ASPRV1: variants seen among roughly 807,000 people sequenced by gnomAD.
ASPRV1 encodes the protein aspartic peptidase retroviral like 1, also known as retroviral-like aspartic protease 1.
A neutral mutation model predicts 11.0 loss-of-function variants in ASPRV1; 7 were observed. That is an observed-to-expected ratio of 0.64 (90% CI 0.36 to 1.20). The LOEUF (loss-of-function observed/expected upper bound fraction) is 1.20, where lower values mean the gene tolerates loss of function less well. Ranked by LOEUF, ASPRV1 falls within the 50% of genes most tolerant of loss-of-function variation. ASPRV1 has a pLI of 0.02. For missense variants in ASPRV1, 299 were observed against 320.0 expected (o/e 0.93, Z 0.50); for synonymous variants, 136 against 138.4 (o/e 0.98, Z 0.12).
At chr2:70,038,455 T>G in the ASPRV1 span, among the ~76,000 whole-genome samples, 5 of 152,106 alleles carry the variant, frequency 3.3e-5, no homozygotes, top group Non-Finnish European at 5.9e-5. Flanking sequence ...GGTGATCACC[T>G]GTAAGTGCTA....
At chr2:70,067,150 G>A in the ASPRV1 span, among the ~76,000 whole-genome samples, 1 of 152,184 alleles carries the variant, frequency 6.6e-6, no homozygotes. Context: ...TAGCAATGGA[G>A]AGGGAAAATG....
chr2:70,065,555 G>C, the ASPRV1 span, among the ~76,000 whole-genome samples: 1 of 152,124 alleles, frequency 6.6e-6, no homozygotes, highest in East Asian at 1.9e-4. Flanking sequence ...AGATACTTTA[G>C]AATCATTAGA....
At chr2:69,954,088 G>A in the ASPRV1 span, among the ~76,000 whole-genome samples, 4,069 of 152,254 alleles carry the variant, frequency 0.027, 179 homozygotes, top group Admixed American at 0.11. Context: ...TTTGTAAACT[G>A]AGGTTCAGAT....
the ASPRV1 span, among the ~76,000 whole-genome samples, chr2:70,058,882 CTTTTTTT>C: frequency 9.8e-5 from 10 of 102,258 alleles, no homozygotes; most frequent in Non-Finnish European, 1.3e-4. Flanking sequence ...TATTACCCAA[CTTTTTTT>C]TTTTTTTTTT....
chr2:69,943,189 C>T, the ASPRV1 span, among the ~76,000 whole-genome samples: 3 of 152,350 alleles, frequency 2.0e-5, no homozygotes, highest in South Asian at 2.1e-4. Context: ...ACTGGTTTCA[C>T]CTGCTCGTTG....
chr2:70,032,898 T>C, the ASPRV1 span, among the ~76,000 whole-genome samples: 2 of 152,226 alleles, frequency 1.3e-5, no homozygotes, highest in African/African-American at 4.8e-5. Context: ...CTTTGGAGTC[T>C]GAATAGAGAG....
the ASPRV1 span, among the ~76,000 whole-genome samples, chr2:70,007,251 C>T: frequency 2.0e-5 from 3 of 152,348 alleles, no homozygotes; most frequent in Non-Finnish European, 4.4e-5. Context: ...GCGCAGGTTG[C>T]TCACGCCTGT....
chr2:70,034,154 T>TTA, the ASPRV1 span, among the ~76,000 whole-genome samples: 4 of 69,252 alleles, frequency 5.8e-5, no homozygotes, highest in Admixed American at 3.9e-4. Context: ...CTCCATCTCA[T>TTA]AAAAAAAAAA....
the ASPRV1 span, chr2:70,074,930 T>C: frequency 0.068 from 10,240 of 151,040 alleles, 1,197 homozygotes; most frequent in African/African-American, 0.24. Context: ...CTGGCCAACA[T>C]GGTGAAACCC....
At chr2:69,969,883 C>G in the ASPRV1 span, among the ~76,000 whole-genome samples, 218 of 150,286 alleles carry the variant, frequency 1.5e-3, 1 homozygote, top group African/African-American at 5.2e-3. Context: ...CCACATCTGC[C>G]TAATTCTCTT....
Position 69,961,536 on chromosome 2 carries a change from A to G in ASPRV1, c.-100T>C. 6.2e-7 allele frequency: 1 copy of G among 1,614,104 alleles called. No homozygotes were observed. Among genetic ancestry groups the G allele is most frequent in the Non-Finnish European group, 8.5e-7 (1 of 1,180,006 alleles). On this transcript the variant is annotated 5_prime_UTR_variant, in exon 1 of 1. Transcript: ENST00000320256. ...TCACGCTGGAAAACGGGGCCTCTCG[A>G]AGCAGAGTGGGGATGACTTGCCCGG...
chr2:70,061,022 A>G, the ASPRV1 span, among the ~76,000 whole-genome samples: 10 of 150,996 alleles, frequency 6.6e-5, no homozygotes, highest in Non-Finnish European at 1.3e-4. Context: ...TTATGTAAAC[A>G]AATGGGGTGC....
chr2:70,038,890 C>T, the ASPRV1 span, among the ~76,000 whole-genome samples: 1 of 152,044 alleles, frequency 6.6e-6, no homozygotes, highest in Admixed American at 6.6e-5. Context: ...ACCAGCCTGA[C>T]CAACATGGAG....
the ASPRV1 span, among the ~76,000 whole-genome samples, chr2:70,028,239 C>G: frequency 6.6e-6 from 1 of 152,074 alleles, no homozygotes; most frequent in Non-Finnish European, 1.5e-5. Flanking sequence ...ATACTGAGAA[C>G]GGAGTGTGAT....
the ASPRV1 span, among the ~76,000 whole-genome samples, chr2:69,977,060 C>T: frequency 7.2e-5 from 11 of 152,036 alleles, no homozygotes; most frequent in South Asian, 2.1e-4. Context: ...GGCATGGTGG[C>T]GCGCACCTGT....
chr2:70,052,717 A>G, the ASPRV1 span, among the ~76,000 whole-genome samples: 2 of 152,098 alleles, frequency 1.3e-5, no homozygotes, highest in Admixed American at 1.3e-4. Flanking sequence ...ATGGAAGGAA[A>G]CCTCCACAGA....
chr2:69,963,123 C>A (rs1678191891), upstream of ASPRV1: 1 of 378,032 alleles, frequency 2.6e-6, no homozygotes, highest in South Asian at 1.9e-5. Flanking sequence ...GGTCCCCAAC[C>A]ACAATGCAAG....
the ASPRV1 span, among the ~76,000 whole-genome samples, chr2:70,015,006 T>C: frequency 3.3e-5 from 5 of 152,074 alleles, no homozygotes; most frequent in Non-Finnish European, 5.9e-5. Context: ...GGGACACAAA[T>C]GGCCAACAAT....
At chr2:69,933,839 A>G in the ASPRV1 span, among the ~76,000 whole-genome samples, 1 of 152,228 alleles carries the variant, frequency 6.6e-6, no homozygotes, top group African/African-American at 2.4e-5. Context: ...AAGAGGAAAA[A>G]GGGCAAACCT....
Sources: allele counts gnomAD v4.1 joint callset (sites outside exome capture counted in the v4.1 genomes callset), GRCh38; gene constraint gnomAD v4.1.1; transcripts MANE v1.5; gene names NCBI Gene and HGNC (gene_info 2026-07-23, HGNC 2026-07-21).